ZNF728: variants seen among roughly 807,000 people sequenced by gnomAD.
The protein encoded by ZNF728 is zinc finger protein 728.
Under a neutral mutation model 12.5 loss-of-function variants are expected in ZNF728, and 12 were observed. That is an observed-to-expected ratio of 0.96 (90% CI 0.61 to 1.55). The LOEUF (loss-of-function observed/expected upper bound fraction) is 1.55, where lower values mean the gene tolerates loss of function less well. Among genes scored for constraint, ZNF728 ranks in the 40% most tolerant of loss-of-function variants. The pLI is 0.00. For missense variants in ZNF728, 692 were observed against 719.2 expected (o/e 0.96, Z 0.43); for synonymous variants, 205 against 240.7 (o/e 0.85, Z 1.37).
rs766787644 is a variant in ZNF728 at position 22,976,032 on chromosome 19, T to C, written c.1305A>G (p.Thr435=). 2 of 1,581,868 alleles carry C rather than the reference T, an allele frequency of 1.3e-6. No individual in the cohort carries two copies. The highest frequency in any genetic ancestry group is 1.1e-5 in the South Asian group (1 of 88,058). Reference sequence around the variant, plus strand: ...CTTTATGTTTAGTAAGGCTCGAAAATGTAGTAAAGGCTTTGCCACATTCTT... The same window carrying C: ...CTTTATGTTTAGTAAGGCTCGAAAACGTAGTAAAGGCTTTGCCACATTCTT... ...KCEECGKAFT[T]FSSLTKHKVI... Residue 435 remains threonine, a synonymous_variant, in exon 4 of 4, where the codon ACA becomes ACG. Transcript: ENST00000594710.
chr19:22,976,514 T>C lies in ZNF728; in HGVS notation c.823A>G (p.Lys275Glu). ...FTRSSSLIEH[K>E]RSHAGEKPYK... Reference sequence around the variant, plus strand: ...GGTTTCTCTCCAGCATGACTTCTCTTATGTTCAATAAGGCTTGAGGACCGG... The same window carrying C: ...GGTTTCTCTCCAGCATGACTTCTCTCATGTTCAATAAGGCTTGAGGACCGG... Residue 275 changes from lysine to glutamate, a missense_variant, in exon 4 of 4, where the codon AAG (lysine) becomes GAG (glutamate). Transcript: ENST00000594710. The C allele has an allele frequency of 6.2e-7, 1 of 1,613,100 alleles. No homozygotes were observed. The highest frequency in any genetic ancestry group is 8.5e-7 in the Non-Finnish European group (1 of 1,179,974).
chr19:23,001,921 T>C (rs1319892808), intron 1 of ZNF728, among the ~76,000 whole-genome samples: 1 of 152,060 alleles, frequency 6.6e-6, no homozygotes, highest in African/African-American at 2.4e-5. Flanking sequence ...GGGACACATG[T>C]GAAAAATGCA....
chr19:23,000,887 C>CAA (rs150522126), intron 1 of ZNF728, among the ~76,000 whole-genome samples: 4 of 125,384 alleles, frequency 3.2e-5, no homozygotes, highest in East Asian at 4.6e-4. Flanking sequence ...AAAAAAAAAC[C>CAA]AAAAAAAAAA....
At chr19:22,981,742 G>A (rs1046934493) in intron 3 of ZNF728, among the ~76,000 whole-genome samples, 33 of 152,096 alleles carry the variant, frequency 2.2e-4, no homozygotes, top group African/African-American at 6.8e-4. Flanking sequence ...ATCAATAAAC[G>A]TAATCCATCA....
At chr19:22,993,608 A>G (rs1465073775) in intron 1 of ZNF728, among the ~76,000 whole-genome samples, 1 of 151,978 alleles carries the variant, frequency 6.6e-6, no homozygotes, top group Non-Finnish European at 1.5e-5. Context: ...TGCAAAGGCA[A>G]AAAAAAAGGA....
Position 23,003,134 on chromosome 19 carries a change from A to AGTAAGGACGACACCTTGACCTCCGC in ZNF728, c.-129_-105dup. The AGTAAGGACGACACCTTGACCTCCGC allele has an allele frequency of 7.3e-7, 1 of 1,369,824 alleles. No individual in the cohort carries two copies. The highest frequency in any genetic ancestry group is 9.9e-7 in the Non-Finnish European group (1 of 1,013,668). 84.9% of individuals were successfully genotyped at this position (1,369,824 alleles called of 1,614,324 possible). On this transcript the variant is annotated 5_prime_UTR_variant, in exon 1 of 4. Transcript: ENST00000594710. ...CCTTTAGGAGCGGACGACACACAGC[A>AGTAAGGACGACACCTTGACCTCCGC]GTAAGGACGACACCTTGACCTCCGC... is the stretch of plus-strand genomic sequence containing the variant.
intron 3 of ZNF728, among the ~76,000 whole-genome samples, chr19:22,986,108 G>C (rs1968914028): frequency 6.6e-6 from 1 of 152,134 alleles, no homozygotes; most frequent in Non-Finnish European, 1.5e-5. Context: ...CAAACCCAGA[G>C]GGCATTCTAT....
At position 22,976,811 on chromosome 19, in the gene ZNF728, T is replaced by C. The variant is rs770031814; in HGVS notation, c.526A>G (p.Lys176Glu). ...ATGCAAAATGATCTGACATATTCTT[T>C]ACATTTCAAAAGTTTCTTTCCAGTA... ...RHTGKKLLKC[K>E]EYVRSFCMLS... Residue 176 changes from lysine (K) to glutamate (E), a missense_variant, in exon 4 of 4, where the codon AAA becomes GAA. Physicochemically the swap from Lys to Glu is moderately conservative, Grantham distance 56 (BLOSUM62 1). Coordinates refer to ENST00000594710, the MANE Select transcript of ZNF728 (RefSeq NM_001267716.2). The C allele has an allele frequency of 8.1e-6, 13 of 1,613,376 alleles. 1 individual carries two copies. In the East Asian group the frequency reaches 8.9e-5, roughly 11 times the overall value.
chr19:22,976,017 A>C lies in ZNF728; in HGVS notation c.1320T>G (p.Thr440=). 5 of 1,590,222 alleles carry C rather than the reference A, an allele frequency of 3.1e-6. No homozygotes were observed. Among genetic ancestry groups the C allele is most frequent in the Non-Finnish European group, 4.3e-6 (5 of 1,164,966 alleles). ...CTCCAGTATGAATTACTTTATGTTT[A>C]GTAAGGCTCGAAAATGTAGTAAAGG... ...GKAFTTFSSL[T]KHKVIHTGEK... Residue 440 remains threonine (T), a synonymous_variant, in exon 4 of 4, where the codon ACT becomes ACG. Transcript: ENST00000594710.
At chr19:22,997,721 A>G (rs1288502845) in intron 1 of ZNF728, among the ~76,000 whole-genome samples, 1 of 151,344 alleles carries the variant, frequency 6.6e-6, no homozygotes, top group Non-Finnish European at 1.5e-5. Context: ...CTGGCATTAA[A>G]TCTATTTAAA....
intron 1 of ZNF728, among the ~76,000 whole-genome samples, chr19:22,990,466 A>C (rs1968974954): frequency 7.2e-5 from 11 of 151,886 alleles, no homozygotes; most frequent in Admixed American, 7.2e-4. Flanking sequence ...AGCAGAAGAG[A>C]TGAAGAAACA....
chr19:22,992,035 A>C (rs1166402965), intron 1 of ZNF728, among the ~76,000 whole-genome samples: 1 of 152,218 alleles, frequency 6.6e-6, no homozygotes, highest in Non-Finnish European at 1.5e-5. Context: ...GGGTAAAATA[A>C]ATACAAATAA....
intron 1 of ZNF728, among the ~76,000 whole-genome samples, chr19:23,000,891 A>G (rs1432707145): frequency 3.9e-5 from 3 of 77,216 alleles, no homozygotes; most frequent in Admixed American, 9.9e-5. Flanking sequence ...AAAAACCAAA[A>G]AAAAAAAAAC....
intron 1 of ZNF728, among the ~76,000 whole-genome samples, chr19:22,992,598 G>C (rs1375312316): frequency 2.0e-5 from 3 of 151,884 alleles, no homozygotes; most frequent in Non-Finnish European, 4.4e-5. Flanking sequence ...TAGTTTATCT[G>C]TTTGAGCCCA....
Position 23,003,158 on chromosome 19 carries a change from G to A in ZNF728, c.-128C>T, listed in dbSNP as rs1969133343. ...CAGTAAGGACGACACCTTGACCTCC[G>A]CGTGCAGCGAGAGCCAACGGTCCTA... On this transcript the variant is annotated 5_prime_UTR_variant, in exon 1 of 4. Coordinates refer to ENST00000594710, the MANE Select transcript of ZNF728 (RefSeq NM_001267716.2). 2 of 1,151,690 alleles carry A rather than the reference G, an allele frequency of 1.7e-6. No homozygotes were observed. Among genetic ancestry groups the A allele is most frequent in the Non-Finnish European group, 2.4e-6 (2 of 831,978 alleles). The allele number at this position is 1,151,690 out of a possible 1,614,324, so 71.3% of individuals were successfully genotyped here. A position where few individuals can be genotyped will look rare whatever the true frequency, so the allele number is the denominator to read the frequency against.
intron 1 of ZNF728, chr19:22,995,439 ATT>A (rs376938619): frequency 3.5e-5 from 5 of 144,626 alleles, no homozygotes; most frequent in East Asian, 2.0e-4. Context: ...TCTCAGCAGA[ATT>A]TTTTTTTTTT....
At chr19:23,001,516 C>T (rs898649885) in intron 1 of ZNF728, among the ~76,000 whole-genome samples, 1 of 152,190 alleles carries the variant, frequency 6.6e-6, no homozygotes, top group Non-Finnish European at 1.5e-5. Context: ...CTCTCACAGA[C>T]ATAGCCATGG....
chr19:22,984,076 C>G (rs1968888410), intron 3 of ZNF728, among the ~76,000 whole-genome samples: 1 of 152,078 alleles, frequency 6.6e-6, no homozygotes, highest in African/African-American at 2.4e-5. Flanking sequence ...CTATTTCTGA[C>G]AGAGGTATAG....
At chr19:22,989,542 T>G (rs10415258) in intron 1 of ZNF728, among the ~76,000 whole-genome samples, 2,821 of 152,250 alleles carry the variant, frequency 0.019, 86 homozygotes, top group African/African-American at 0.064. Flanking sequence ...GGAGAGCTTA[T>G]CAACCAAGTG....
Sources: allele counts gnomAD v4.1 joint callset (sites outside exome capture counted in the v4.1 genomes callset), GRCh38; gene constraint gnomAD v4.1.1; transcripts MANE v1.5; gene names NCBI Gene and HGNC (gene_info 2026-07-23, HGNC 2026-07-21).